Variants in KDM4C observed in about 807,000 individuals in gnomAD.
KDM4C encodes lysine-specific demethylase 4C.
In KDM4C, 81 loss-of-function variants were observed where a neutral mutation model predicts 129.3. The observed-to-expected ratio is 0.63, with a 90% confidence interval of 0.52 to 0.75. The LOEUF (loss-of-function observed/expected upper bound fraction) is 0.75. KDM4C is among the 30% of genes least tolerant of loss of function. The pLI, the probability that KDM4C is intolerant of heterozygous loss-of-function variation, is 0.00. For synonymous variants in KDM4C, 573 were observed against 456.1 expected, an observed-to-expected ratio of 1.26 and a Z score of -3.26; for missense variants, 1,457 against 1,304.0, an observed-to-expected ratio of 1.12 and a Z score of -1.81.
At chr9:6,757,697 C>A, upstream of KDM4C, 1 of 985,502 alleles carries the variant, frequency 1.0e-6, no homozygotes, top group Non-Finnish European at 1.2e-6. Flanking sequence ...TACATCAGGT[C>A]CAGCCCTGCG....
At chr9:6,807,656 G>T (rs563749640) in intron 3 of KDM4C, among the ~76,000 whole-genome samples, 1 of 147,576 alleles carries the variant, frequency 6.8e-6, no homozygotes, top group African/African-American at 2.5e-5. Context: ...CAACCACCCC[G>T]TCTGAGAAGT....
At chr9:7,119,419 AG>A (rs1191951605) in intron 18 of KDM4C, among the ~76,000 whole-genome samples, 5 of 152,186 alleles carry the variant, frequency 3.3e-5, no homozygotes, top group Admixed American at 2.0e-4. Context: ...TCTTGAGCAT[AG>A]GCAGAGACTG....
intron 1 of KDM4C, among the ~76,000 whole-genome samples, chr9:6,788,379 T>C (rs1377824890): frequency 6.6e-6 from 1 of 152,206 alleles, no homozygotes; most frequent in Non-Finnish European, 1.5e-5. Context: ...CCCTTGTTCT[T>C]TAGCCTGTCG....
chr9:7,062,936 A>G (rs1265245014), intron 17 of KDM4C, among the ~76,000 whole-genome samples: 1 of 152,152 alleles, frequency 6.6e-6, no homozygotes, highest in Admixed American at 6.5e-5. Flanking sequence ...TTTAGGAGTA[A>G]TTACAGAATA....
intron 20 of KDM4C, among the ~76,000 whole-genome samples, chr9:7,166,440 TTGTGTG>T (rs1844390861): frequency 1.7e-5 from 1 of 59,304 alleles, no homozygotes; most frequent in Non-Finnish European, 3.3e-5. Flanking sequence ...TACACATACA[TTGTGTG>T]TGTATGTGTG....
intron 21 of KDM4C, chr9:7,170,270 GA>G: frequency 1.8e-6 from 2 of 1,090,298 alleles, no homozygotes; most frequent in South Asian, 2.6e-5. Context: ...GATCAAAGGG[GA>G]CTCGGCATAA....
intron 1 of KDM4C, among the ~76,000 whole-genome samples, chr9:6,748,172 AAAAC>A (rs201565554): frequency 4.1e-4 from 52 of 126,222 alleles, no homozygotes; most frequent in Admixed American, 8.6e-4. Context: ...TCTCAAAAAA[AAAAC>A]AAACAAACAA....
At chr9:7,068,294 C>G (rs901692058) in intron 17 of KDM4C, among the ~76,000 whole-genome samples, 1 of 152,142 alleles carries the variant, frequency 6.6e-6, no homozygotes, top group Non-Finnish European at 1.5e-5. Context: ...TTACTATAAA[C>G]CCACTAGCAT....
At chr9:7,080,840 G>C (rs1032505308) in intron 17 of KDM4C, among the ~76,000 whole-genome samples, 2 of 152,208 alleles carry the variant, frequency 1.3e-5, no homozygotes, top group African/African-American at 4.8e-5. Context: ...TAGTCTTCCA[G>C]AATTCTTCTG....
At chr9:6,843,449 T>C (rs1465233827) in intron 4 of KDM4C, among the ~76,000 whole-genome samples, 1 of 152,266 alleles carries the variant, frequency 6.6e-6, no homozygotes, top group Admixed American at 6.5e-5. Flanking sequence ...TTATGTACTA[T>C]TGGGAAGCCT....
At chr9:6,838,228 A>G (rs1442847953) in intron 4 of KDM4C, among the ~76,000 whole-genome samples, 1 of 152,150 alleles carries the variant, frequency 6.6e-6, no homozygotes, top group Non-Finnish European at 1.5e-5. Flanking sequence ...TTCCTTGACG[A>G]CAGAATAAGA....
At chr9:6,966,579 T>C (rs1016137433) in intron 8 of KDM4C, among the ~76,000 whole-genome samples, 2 of 152,238 alleles carry the variant, frequency 1.3e-5, no homozygotes, top group African/African-American at 4.8e-5. Flanking sequence ...TTTGTAGATA[T>C]GATTGTTTAT....
chr9:7,007,502 T>G (rs1470426479), intron 12 of KDM4C, among the ~76,000 whole-genome samples: 2 of 152,248 alleles, frequency 1.3e-5, no homozygotes, highest in Non-Finnish European at 2.9e-5. Context: ...TTCTTTTTGC[T>G]TAAGTATTTC....
intron 5 of KDM4C, among the ~76,000 whole-genome samples, chr9:6,875,946 C>T (rs1476219500): frequency 6.6e-6 from 1 of 152,154 alleles, no homozygotes; most frequent in Non-Finnish European, 1.5e-5. Flanking sequence ...GACTCAACCA[C>T]CTGGTGATTT....
chr9:6,795,330 T>G (rs1044506059), intron 2 of KDM4C, among the ~76,000 whole-genome samples: 10 of 152,148 alleles, frequency 6.6e-5, no homozygotes, highest in African/African-American at 1.7e-4. Context: ...ATATATATTT[T>G]TTGTTGTTGT....
chr9:6,807,456 C>T (rs1220063588), intron 3 of KDM4C, among the ~76,000 whole-genome samples: 93 of 146,694 alleles, frequency 6.3e-4, no homozygotes, highest in Non-Finnish European at 9.8e-4. Flanking sequence ...TTCCCAGCCG[C>T]CATCACATCT....
At chr9:6,778,312 A>G (rs1823538374) in intron 1 of KDM4C, among the ~76,000 whole-genome samples, 1 of 145,182 alleles carries the variant, frequency 6.9e-6, no homozygotes, top group Non-Finnish European at 1.5e-5. Flanking sequence ...CTGGTCTTGA[A>G]CTCCTGACCT....
intron 8 of KDM4C, among the ~76,000 whole-genome samples, chr9:6,920,134 AT>A (rs1210886654): frequency 6.6e-6 from 1 of 151,996 alleles, no homozygotes; most frequent in East Asian, 1.9e-4. Context: ...TTTATGGACA[AT>A]TTGGTGGGCA....
Position 7,122,259 on chromosome 9 carries a change from A to ACT in KDM4C, c.2611-5806_2611-5805insTC, listed in dbSNP as rs1252407890. 5.6e-3 allele frequency among the ~76,000 whole-genome samples: 564 copies of ACT among 100,540 alleles called. 3 individuals carry two copies. Among genetic ancestry groups the ACT allele is most frequent in the African/African-American group, 0.018 (519 of 28,182 alleles). 66.0% of individuals were successfully genotyped at this position (100,540 alleles called of 152,430 possible). ...AGATGCCACACACACACACACACAC[A>ACT]CACACACTCTCTCTCTCTCTCTCTC... On this transcript the variant is annotated intron_variant, in intron 18 of 21. Transcript: ENST00000381309.
Sources: gnomAD v4.1 joint callset for allele counts (sites outside exome capture counted in the v4.1 genomes callset) on GRCh38, gnomAD v4.1.1 for gene constraint, MANE v1.5 for transcripts, NCBI Gene and HGNC (gene_info 2026-07-23, HGNC 2026-07-21) for gene names.